CNTNAP2: variants seen among roughly 807,000 people sequenced by gnomAD.
CNTNAP2 encodes contactin-associated protein-like 2.
Under a neutral mutation model 155.2 loss-of-function variants are expected in CNTNAP2, and 98 were observed. The ratio of observed to expected loss-of-function variants is 0.63; its 90% CI spans 0.54 to 0.75. The LOEUF is 0.75. Among genes scored for constraint, CNTNAP2 ranks in the 30% least tolerant of loss-of-function variants. The probability of loss-of-function intolerance (pLI) is 0.00; values close to 1 mark genes in which losing one functional copy is unlikely to be tolerated. For missense variants in CNTNAP2, 1,727 were observed against 1,688.1 expected (o/e 1.02, Z -0.40); for synonymous variants, 651 against 631.2 (o/e 1.03, Z -0.47).
rs544434219 is a variant in CNTNAP2 at position 148,248,787 on chromosome 7, TG to T, written c.3382-18244del. Among the ~76,000 whole-genome samples the T allele has an allele frequency of 1.8e-3, 278 of 152,340 alleles. 2 individuals are homozygous for T. Among genetic ancestry groups the T allele is most frequent in the African/African-American group, 6.3e-3 (260 of 41,578 alleles). On this transcript the variant is annotated intron_variant, in intron 20 of 23. Coordinates refer to ENST00000361727, the MANE Select transcript of CNTNAP2 (RefSeq NM_014141.6). ...TCTAGGAATGAAATCAATGAGTTTA[TG>T]GTAAGTGTATCTTTAACTGTTTTTT...
At chr7:146,334,530 C>CTT (rs10689952) in intron 1 of CNTNAP2, among the ~76,000 whole-genome samples, 3,398 of 151,736 alleles carry the variant, frequency 0.022, 144 homozygotes, top group African/African-American at 0.078. Flanking sequence ...GTTCTCCTGT[C>CTT]TTCTTTCATG....
chr7:147,997,757 A>C (rs10279557), intron 15 of CNTNAP2, among the ~76,000 whole-genome samples: 10,272 of 152,126 alleles, frequency 0.068, 762 homozygotes, highest in African/African-American at 0.19. Context: ...TGGGAGTCTT[A>C]CCTGATTATT....
At chr7:147,052,131 C>A (rs1356872437) in intron 4 of CNTNAP2, among the ~76,000 whole-genome samples, 3 of 152,038 alleles carry the variant, frequency 2.0e-5, no homozygotes, top group African/African-American at 7.2e-5. Flanking sequence ...GAAATGCAGT[C>A]TTTAATGAGA....
intron 15 of CNTNAP2, among the ~76,000 whole-genome samples, chr7:148,117,499 G>A (rs1054212393): frequency 1.2e-4 from 18 of 152,202 alleles, no homozygotes; most frequent in Admixed American, 5.2e-4. Context: ...CTGGGTGGCC[G>A]TTGACACAGG....
At chr7:148,150,549 GA>G (rs960596881) in intron 17 of CNTNAP2, among the ~76,000 whole-genome samples, 4 of 145,184 alleles carry the variant, frequency 2.8e-5, no homozygotes, top group South Asian at 2.2e-4. Context: ...CTCTGTCTCA[GA>G]AAAAAAAAAC....
intron 8 of CNTNAP2, among the ~76,000 whole-genome samples, chr7:147,137,291 TAAG>T (rs1189408061): frequency 3.3e-5 from 5 of 151,204 alleles, no homozygotes; most frequent in Non-Finnish European, 7.4e-5. Context: ...AATAAAAACT[TAAG>T]TAGACTATGA....
At position 147,802,565 on chromosome 7, in the gene CNTNAP2, C is replaced by G. The variant is rs868824056; in HGVS notation, c.2099-101000C>G. ...GAGGCTGGCGGATCACTCGCGGTTACGAGCTGGAGACCAGCCCGGCCAACA... is the reference window on the plus strand; with the variant it reads ...GAGGCTGGCGGATCACTCGCGGTTAGGAGCTGGAGACCAGCCCGGCCAACA... On this transcript the variant is annotated intron_variant, in intron 13 of 23. Transcript: ENST00000361727. 9.0e-3 allele frequency among the ~76,000 whole-genome samples: 1,374 copies of G among 152,260 alleles called. 19 individuals are homozygous for G. Among genetic ancestry groups the G allele is most frequent in the African/African-American group, 0.027 (1,139 of 41,548 alleles).
chr7:148,289,931 C>A (rs1000167585), intron 21 of CNTNAP2, among the ~76,000 whole-genome samples: 1 of 152,074 alleles, frequency 6.6e-6, no homozygotes, highest in African/African-American at 2.4e-5. Flanking sequence ...TTTGCAATGA[C>A]AAAAATAACA....
chr7:147,667,807 ATAATAAAAAAAATAAAATAAAAAAAT>A (rs1795721768), intron 13 of CNTNAP2, among the ~76,000 whole-genome samples: 1 of 149,406 alleles, frequency 6.7e-6, no homozygotes, highest in Non-Finnish European at 1.5e-5. Context: ...AAAAAAAAAA[ATAATAAAAAAAATAAAATAAAAAAAT>A]AAAAGATACC....
At chr7:148,406,126 G>A (rs1799699448) in intron 22 of CNTNAP2, among the ~76,000 whole-genome samples, 1 of 151,878 alleles carries the variant, frequency 6.6e-6, no homozygotes, top group South Asian at 2.1e-4. Flanking sequence ...CAGCTACTCG[G>A]GAGGCTGAGG....
intron 1 of CNTNAP2, among the ~76,000 whole-genome samples, chr7:146,356,343 C>T (rs1031774155): frequency 1.3e-5 from 2 of 152,138 alleles, no homozygotes; most frequent in Non-Finnish European, 2.9e-5. Context: ...TCTGACAGGG[C>T]CCTGCCATTG....
chr7:147,584,918 G>A (rs1271890056), intron 12 of CNTNAP2, among the ~76,000 whole-genome samples: 1 of 152,128 alleles, frequency 6.6e-6, no homozygotes, highest in Non-Finnish European at 1.5e-5. Flanking sequence ...TTGATGGCCT[G>A]CGGAGATCTT....
At chr7:146,133,233 G>A (rs1797744400) in intron 1 of CNTNAP2, among the ~76,000 whole-genome samples, 1 of 152,084 alleles carries the variant, frequency 6.6e-6, no homozygotes, top group African/African-American at 2.4e-5. Context: ...GTCTGTTCAT[G>A]TCCTTTGCCC....
intron 1 of CNTNAP2, among the ~76,000 whole-genome samples, chr7:146,379,964 G>C (rs1795358185): frequency 6.6e-6 from 1 of 152,156 alleles, no homozygotes; most frequent in African/African-American, 2.4e-5. Context: ...AGTTATAAAT[G>C]TAAGCTGTTT....
intron 11 of CNTNAP2, among the ~76,000 whole-genome samples, chr7:147,489,861 C>T (rs1490095475): frequency 1.3e-5 from 2 of 152,088 alleles, no homozygotes; most frequent in East Asian, 1.9e-4. Context: ...ATGATCTGCC[C>T]GCCTTGGCCT....
Position 147,077,982 on chromosome 7 carries a change from A to G in CNTNAP2, c.551-30165A>G, listed in dbSNP as rs182617802. ...TACATTTTCAGGCTTCTTACTACCA[A>G]CTAACAGGGTATATTATTAGTTCTC... On this transcript the variant is annotated intron_variant, in intron 4 of 23. Coordinates refer to ENST00000361727, the MANE Select transcript of CNTNAP2 (RefSeq NM_014141.6). Among the ~76,000 whole-genome samples, 200 of 152,294 alleles carry G rather than the reference A, an allele frequency of 1.3e-3. 3 individuals carry two copies. Among genetic ancestry groups the G allele is most frequent in the African/African-American group, 4.3e-3 (177 of 41,576 alleles).
chr7:146,907,233 A>T (rs1373464715), intron 3 of CNTNAP2, among the ~76,000 whole-genome samples: 1 of 150,214 alleles, frequency 6.7e-6, no homozygotes, highest in African/African-American at 2.4e-5. Context: ...TCTGCAGGAT[A>T]TTATCCAGGA....
chr7:148,074,371 G>A (rs147555904), intron 15 of CNTNAP2, among the ~76,000 whole-genome samples: 58 of 152,306 alleles, frequency 3.8e-4, no homozygotes, highest in African/African-American at 1.3e-3. Context: ...TGAGGTGGGA[G>A]CCACAGAATA....
At chr7:148,070,684 C>T (rs1803363921) in intron 15 of CNTNAP2, among the ~76,000 whole-genome samples, 1 of 152,216 alleles carries the variant, frequency 6.6e-6, no homozygotes. Flanking sequence ...CACCACTGCA[C>T]TCCAGCCTGG....
Sources: gnomAD v4.1 joint callset for allele counts (sites outside exome capture counted in the v4.1 genomes callset) on GRCh38, gnomAD v4.1.1 for gene constraint, MANE v1.5 for transcripts, NCBI Gene and HGNC (gene_info 2026-07-23, HGNC 2026-07-21) for gene names.